DPP10: variants seen among roughly 807,000 people sequenced by gnomAD.
DPP10 encodes inactive dipeptidyl peptidase 10.
In DPP10, 33 loss-of-function variants were observed where a neutral mutation model predicts 120.9. That is an observed-to-expected ratio of 0.27 (90% CI 0.21 to 0.37). The LOEUF is 0.37. Ranked by LOEUF, DPP10 falls within the 10% of genes least tolerant of loss-of-function variation. The pLI, the probability that DPP10 is intolerant of heterozygous loss-of-function variation, is 1.00. For missense variants in DPP10, 816 were observed against 942.8 expected, an observed-to-expected ratio of 0.87 and a Z score of 1.76; for synonymous variants, 337 against 326.1, an observed-to-expected ratio of 1.03 and a Z score of -0.36.
intron 1 of DPP10, among the ~76,000 whole-genome samples, chr2:114,677,162 G>A (rs539570542): frequency 6.6e-6 from 1 of 152,100 alleles, no homozygotes; most frequent in Admixed American, 6.6e-5. Flanking sequence ...GTTTATTTCC[G>A]ATAATGATGA....
chr2:115,434,109 T>C (rs1464572173), intron 3 of DPP10, among the ~76,000 whole-genome samples: 3 of 151,988 alleles, frequency 2.0e-5, no homozygotes, highest in South Asian at 2.1e-4. Flanking sequence ...TATACATATA[T>C]GAGTAATGGT....
intron 1 of DPP10, among the ~76,000 whole-genome samples, chr2:114,649,899 C>T (rs72953585): frequency 0.081 from 12,365 of 151,864 alleles, 1,732 homozygotes; most frequent in African/African-American, 0.28. Context: ...TCTATGTTTT[C>T]CACTTGGTTT....
At chr2:114,969,665 A>G (rs958110444) in intron 1 of DPP10, among the ~76,000 whole-genome samples, 3 of 152,104 alleles carry the variant, frequency 2.0e-5, no homozygotes, top group Admixed American at 1.3e-4. Context: ...TGATGATGTG[A>G]CTGAGTTCTG....
intron 1 of DPP10, among the ~76,000 whole-genome samples, chr2:114,510,763 G>C (rs1337832316): frequency 6.6e-6 from 1 of 152,132 alleles, no homozygotes; most frequent in Non-Finnish European, 1.5e-5. Flanking sequence ...TTTTTCAACT[G>C]TTTGCCTTTA....
At chr2:115,351,648 G>T (rs1400668) in intron 3 of DPP10, among the ~76,000 whole-genome samples, 99,358 of 151,912 alleles carry the variant, frequency 0.65, 32,964 homozygotes, top group Admixed American at 0.74. Flanking sequence ...TGTAAATCAT[G>T]GTTATCAAGG....
intron 4 of DPP10, among the ~76,000 whole-genome samples, chr2:115,502,396 G>C: frequency 6.6e-6 from 1 of 152,258 alleles, no homozygotes; most frequent in Middle Eastern, 3.4e-3. Flanking sequence ...TGGGAAGTAA[G>C]TGGTTTAGCC....
intron 1 of DPP10, among the ~76,000 whole-genome samples, chr2:114,912,660 T>A (rs759642311): frequency 6.6e-6 from 1 of 152,058 alleles, no homozygotes; most frequent in Non-Finnish European, 1.5e-5. Flanking sequence ...AGGAGGAAGC[T>A]GAAAACCCTG....
intron 1 of DPP10, among the ~76,000 whole-genome samples, chr2:115,266,532 G>A (rs1205159705): frequency 6.6e-6 from 1 of 152,152 alleles, no homozygotes. Context: ...GGCATATGAT[G>A]TATTCATTTC....
intron 3 of DPP10, among the ~76,000 whole-genome samples, chr2:115,371,992 C>T (rs113037223): frequency 1.8e-4 from 28 of 152,196 alleles, no homozygotes; most frequent in African/African-American, 6.5e-4. Flanking sequence ...ACAGTTCTAA[C>T]AGGGACTTTA....
At chr2:115,548,139 A>G (rs2079626586) in intron 5 of DPP10, among the ~76,000 whole-genome samples, 1 of 152,168 alleles carries the variant, frequency 6.6e-6, no homozygotes, top group Non-Finnish European at 1.5e-5. Flanking sequence ...GGAAGAAATT[A>G]TGTGCTGAAG....
intron 5 of DPP10, among the ~76,000 whole-genome samples, chr2:115,552,649 T>C (rs1031960757): frequency 1.3e-5 from 2 of 152,080 alleles, no homozygotes; most frequent in African/African-American, 4.8e-5. Context: ...TTTAATAATT[T>C]TTAAATGTGT....
intron 3 of DPP10, among the ~76,000 whole-genome samples, chr2:115,463,791 G>A (rs770853218): frequency 6.6e-6 from 1 of 152,100 alleles, no homozygotes; most frequent in Non-Finnish European, 1.5e-5. Context: ...TTACCCTAAA[G>A]TGGCATCTGA....
At chr2:114,855,833 A>T (rs1283995933) in intron 1 of DPP10, among the ~76,000 whole-genome samples, 1 of 152,144 alleles carries the variant, frequency 6.6e-6, no homozygotes, top group Non-Finnish European at 1.5e-5. Context: ...CATTGTCCTC[A>T]GTGGGGTGCC....
intron 3 of DPP10, among the ~76,000 whole-genome samples, chr2:115,471,125 T>C (rs2074687447): frequency 1.3e-5 from 2 of 152,314 alleles, no homozygotes; most frequent in Middle Eastern, 3.4e-3. Flanking sequence ...ATCCATAATT[T>C]ATTTTCATAA....
intron 1 of DPP10, among the ~76,000 whole-genome samples, chr2:114,863,486 G>A (rs1027442129): frequency 6.6e-6 from 1 of 152,064 alleles, no homozygotes; most frequent in Non-Finnish European, 1.5e-5. Context: ...GGAGGTTTTG[G>A]TGGGTTCCCG....
intron 1 of DPP10, among the ~76,000 whole-genome samples, chr2:115,211,707 TC>T (rs1433635179): frequency 6.6e-5 from 10 of 152,136 alleles, no homozygotes; most frequent in Admixed American, 5.2e-4. Flanking sequence ...TAATACAACT[TC>T]AGTGCATCAT....
intron 5 of DPP10, among the ~76,000 whole-genome samples, chr2:115,532,459 A>G (rs1257749055): frequency 6.6e-6 from 1 of 152,096 alleles, no homozygotes; most frequent in African/African-American, 2.4e-5. Flanking sequence ...AATCATATCA[A>G]CTAATTCCTA....
chr2:115,792,055 T>A (rs568092533), intron 19 of DPP10, among the ~76,000 whole-genome samples: 1 of 152,282 alleles, frequency 6.6e-6, no homozygotes, highest in Admixed American at 6.5e-5. Flanking sequence ...GATATAATAT[T>A]TAGAAATAGT....
intron 1 of DPP10, among the ~76,000 whole-genome samples, chr2:114,973,669 A>G (rs1398955031): frequency 6.7e-6 from 1 of 150,128 alleles, no homozygotes; most frequent in African/African-American, 2.5e-5. Context: ...CTCAAAAAAA[A>G]AAAAAAAAAA....
Sources: allele counts gnomAD v4.1 joint callset (sites outside exome capture counted in the v4.1 genomes callset), GRCh38; gene constraint gnomAD v4.1.1; transcripts MANE v1.5; gene names NCBI Gene and HGNC (gene_info 2026-07-23, HGNC 2026-07-21).